PARD3B: variants seen among roughly 807,000 people sequenced by gnomAD.
PARD3B encodes partitioning defective 3 homolog B.
A neutral mutation model predicts 130.2 loss-of-function variants in PARD3B; 103 were observed. The ratio of observed to expected loss-of-function variants is 0.79; its 90% CI spans 0.67 to 0.93. The LOEUF is 0.93. Ranked by LOEUF, PARD3B falls within the 40% of genes least tolerant of loss-of-function variation. The pLI is 0.00. For synonymous variants in PARD3B, 583 were observed against 553.2 expected (o/e 1.05, Z -0.76); for missense variants, 1,609 against 1,499.2 (o/e 1.07, Z -1.21).
At chr2:204,841,287 A>G (rs978203699) in intron 2 of PARD3B, among the ~76,000 whole-genome samples, 26 of 152,164 alleles carry the variant, frequency 1.7e-4, no homozygotes, top group Admixed American at 1.6e-3. Flanking sequence ...CCTCAAGGGT[A>G]TCCTTGGGAA....
At chr2:205,056,011 G>A (rs541368455) in intron 4 of PARD3B, among the ~76,000 whole-genome samples, 2 of 152,190 alleles carry the variant, frequency 1.3e-5, no homozygotes, top group African/African-American at 4.8e-5. Flanking sequence ...AAGGGTATGG[G>A]TTGTGTCTTC....
intron 1 of PARD3B, among the ~76,000 whole-genome samples, chr2:204,685,521 C>T (rs1484746384): frequency 3.3e-5 from 5 of 152,104 alleles, no homozygotes; most frequent in African/African-American, 7.2e-5. Flanking sequence ...TTTTAAAAAG[C>T]GATAGTTGAA....
In PARD3B at chr2:204,852,058, C is replaced by T. The variant is rs115812068; in HGVS notation, c.223-113094C>T. Among the ~76,000 whole-genome samples, 584 of 152,238 alleles carry T rather than the reference C, an allele frequency of 3.8e-3. 7 individuals carry two copies. The highest frequency in any genetic ancestry group is 0.014 in the African/African-American group (566 of 41,526). ...GTTTGGGTATGAAATCACTACAACT[C>T]CCACAGAGTGATATAAGGAAGGTGT... On this transcript the variant is annotated intron_variant, in intron 2 of 22. Transcript: ENST00000406610.
chr2:204,707,204 C>T (rs1054710695), intron 2 of PARD3B, among the ~76,000 whole-genome samples: 4 of 152,162 alleles, frequency 2.6e-5, no homozygotes, highest in African/African-American at 9.7e-5. Flanking sequence ...GCCCAGCAAC[C>T]TGAATGGAAA....
chr2:204,820,225 A>C (rs2043295171), intron 2 of PARD3B, among the ~76,000 whole-genome samples: 1 of 151,550 alleles, frequency 6.6e-6, no homozygotes, highest in Non-Finnish European at 1.5e-5. Context: ...ACAGGCGTAC[A>C]CCACCATGCC....
At chr2:205,270,038 A>G (rs2040658926) in intron 16 of PARD3B, among the ~76,000 whole-genome samples, 1 of 152,174 alleles carries the variant, frequency 6.6e-6, no homozygotes, top group South Asian at 2.1e-4. Context: ...TCTTCAGGGG[A>G]TGGAGACCCC....
rs574313885 is a variant in PARD3B at position 205,382,723 on chromosome 2, C to T, written c.2631-18290C>T. On this transcript the variant is annotated intron_variant, in intron 18 of 22. Transcript: ENST00000406610. ...TTCTCCCACCACTAATGTCTCTATT[C>T]GCTTAGTTATGTCATTATGAGATTC... Among the ~76,000 whole-genome samples the T allele has an allele frequency of 1.3e-3, 194 of 152,070 alleles. 2 individuals are homozygous for T. Among genetic ancestry groups the T allele is most frequent in the African/African-American group, 4.3e-3 (179 of 41,500 alleles).
At chr2:204,685,578 C>T (rs1433292683) in intron 1 of PARD3B, among the ~76,000 whole-genome samples, 1 of 152,206 alleles carries the variant, frequency 6.6e-6, no homozygotes, top group Non-Finnish European at 1.5e-5. Flanking sequence ...CCATTCAACT[C>T]TGAACACAGT....
chr2:204,999,043 CT>C (rs1231862632), intron 3 of PARD3B, among the ~76,000 whole-genome samples: 1 of 151,746 alleles, frequency 6.6e-6, no homozygotes, highest in Non-Finnish European at 1.5e-5. Context: ...TAATCTCAAA[CT>C]GGCAATAAAG....
rs1330705010 is a variant in PARD3B at position 205,106,191 on chromosome 2, A to AGGC, written c.593+1678_593+1680dup. On this transcript the variant is annotated intron_variant, in intron 5 of 22. Coordinates refer to ENST00000406610, the MANE Select transcript of PARD3B (RefSeq NM_001302769.2). Reference sequence around the variant, plus strand: ...AGATGGAGTTTTGCTCTTGTTACCCAGGCTGGAGTGCAATGGCGTGATCTC... The same window carrying AGGC: ...AGATGGAGTTTTGCTCTTGTTACCCAGGCGGCTGGAGTGCAATGGCGTGATCTC... Among the ~76,000 whole-genome samples the AGGC allele has an allele frequency of 3.3e-5, 5 of 152,190 alleles. No individual in the cohort carries two copies. The East Asian group carries it at 7.7e-4, about 24-fold the overall frequency.
rs1362516217 is a variant in PARD3B, at chr2:205,366,684, ACTGTGACTG to A, written c.2631-34328_2631-34320del. On this transcript the variant is annotated intron_variant, in intron 18 of 22. Transcript: ENST00000406610. The surrounding 1 kb of genome is among the most constrained non-coding windows in gnomAD (Gnocchi z 5.0). ...AAATTCACACTTTTTTTTTTCTTTA[ACTGTGACTG>A]AACCTCAGTGGACAGAGCAGCCAAG... Among the ~76,000 whole-genome samples the A allele has an allele frequency of 1.3e-5, 2 of 151,994 alleles. No homozygotes were observed. The highest frequency in any genetic ancestry group is 4.8e-5 in the African/African-American group (2 of 41,364).
At chr2:205,312,173 C>T (rs1431557459) in intron 18 of PARD3B, among the ~76,000 whole-genome samples, 4 of 152,128 alleles carry the variant, frequency 2.6e-5, no homozygotes, top group Non-Finnish European at 5.9e-5. Flanking sequence ...TACCTCTTTC[C>T]AGATAGTGAT....
At chr2:204,951,168 G>A (rs1689734142) in intron 2 of PARD3B, among the ~76,000 whole-genome samples, 1 of 152,122 alleles carries the variant, frequency 6.6e-6, no homozygotes, top group African/African-American at 2.4e-5. Context: ...CCCATGCTTG[G>A]TTTAATCCTC....
At chr2:205,052,762 A>G (rs747325741) in intron 4 of PARD3B, among the ~76,000 whole-genome samples, 3 of 152,170 alleles carry the variant, frequency 2.0e-5, no homozygotes, top group African/African-American at 4.8e-5. Flanking sequence ...TTAGTTCATC[A>G]TATTATCACC....
chr2:205,001,820 CTTATGACAACA>C (rs1694858426), intron 3 of PARD3B, among the ~76,000 whole-genome samples: 2 of 152,188 alleles, frequency 1.3e-5, no homozygotes, highest in African/African-American at 4.8e-5. Flanking sequence ...TGATGTGCGC[CTTATGACAACA>C]GTAGAGAGCA....
At chr2:204,637,369 T>C (rs1176629870) in intron 1 of PARD3B, among the ~76,000 whole-genome samples, 2 of 152,182 alleles carry the variant, frequency 1.3e-5, no homozygotes, top group African/African-American at 4.8e-5. Context: ...TACTGTCCTA[T>C]TGTTAACAGT....
At chr2:205,117,565 G>A (rs1194130357) in intron 6 of PARD3B, among the ~76,000 whole-genome samples, 3 of 152,116 alleles carry the variant, frequency 2.0e-5, no homozygotes, top group African/African-American at 7.2e-5. Context: ...CCTTTTCTAT[G>A]GCTGACCCTG....
rs983381623 is a variant in PARD3B, at chr2:204,890,054, A to G, written c.223-75098A>G. Among the ~76,000 whole-genome samples, 4 of 152,174 alleles carry G rather than the reference A, an allele frequency of 2.6e-5. No homozygotes were observed. The highest frequency in any genetic ancestry group is 4.4e-5 in the Non-Finnish European group (3 of 68,026). The stretch of plus-strand genomic sequence containing the variant: ...GGAAAGTTAATTTTACTTTTGGCAT[A>G]TGTTCTCTGGGACTATCGGTTTTAT... On this transcript the variant is annotated intron_variant, in intron 2 of 22. Transcript: ENST00000406610. This position sits in a 1 kb window ranked among gnomAD's most constrained non-coding sequence, Gnocchi z 4.9.
At chr2:205,391,200 G>A (rs1180751489) in intron 18 of PARD3B, among the ~76,000 whole-genome samples, 3 of 152,242 alleles carry the variant, frequency 2.0e-5, no homozygotes, top group African/African-American at 4.8e-5. Flanking sequence ...CTAGTTTTCG[G>A]GTTTCCGGGG....
Sources: gnomAD v4.1 joint callset for allele counts (sites outside exome capture counted in the v4.1 genomes callset) on GRCh38, gnomAD v4.1.1 for gene constraint, Gnocchi (gnomAD v3.1) non-coding constraint, MANE v1.5 for transcripts, NCBI Gene and HGNC (gene_info 2026-07-23, HGNC 2026-07-21) for gene names.